Variants in MGAT5 observed in about 807,000 individuals in gnomAD.
The protein encoded by MGAT5 is alpha-1,6-mannosylglycoprotein 6-beta-N-acetylglucosaminyltransferase A.
A neutral mutation model predicts 94.3 loss-of-function variants in MGAT5; 30 were observed. The ratio of observed to expected loss-of-function variants is 0.32; its 90% CI spans 0.24 to 0.43. The LOEUF is 0.43. MGAT5 is among the 20% of genes least tolerant of loss of function. The pLI is 1.00. For synonymous variants in MGAT5, 310 were observed against 322.9 expected, an observed-to-expected ratio of 0.96 and a Z score of 0.43; for missense variants, 691 against 905.5, an observed-to-expected ratio of 0.76 and a Z score of 3.04.
chr2:134,321,621 C>G (rs549373024), intron 4 of MGAT5, among the ~76,000 whole-genome samples: 5 of 152,156 alleles, frequency 3.3e-5, no homozygotes, highest in African/African-American at 1.2e-4. Flanking sequence ...CATTTTGGAA[C>G]GAGCAACTAC....
intron 1 of MGAT5, among the ~76,000 whole-genome samples, chr2:134,266,737 C>T (rs928003666): frequency 6.6e-6 from 1 of 152,122 alleles, no homozygotes; most frequent in African/African-American, 2.4e-5. Context: ...ATGGGCTTGG[C>T]GTCATCTCTG....
At chr2:134,292,267 C>T (rs921565944) in intron 2 of MGAT5, among the ~76,000 whole-genome samples, 1 of 152,140 alleles carries the variant, frequency 6.6e-6, no homozygotes, top group Admixed American at 6.5e-5. Context: ...AATTGAGAGA[C>T]AGGAAAACAC....
intron 1 of MGAT5, among the ~76,000 whole-genome samples, chr2:134,156,865 A>T (rs1687503511): frequency 6.6e-6 from 1 of 152,154 alleles, no homozygotes; most frequent in Non-Finnish European, 1.5e-5. Flanking sequence ...GCCAGAGTGC[A>T]ACTGGGACGT....
chr2:134,264,492 G>T (rs1683570042), intron 1 of MGAT5, among the ~76,000 whole-genome samples: 1 of 152,114 alleles, frequency 6.6e-6, no homozygotes, highest in Non-Finnish European at 1.5e-5. Context: ...TCTATCTTAT[G>T]AATGGCTGAC....
At chr2:134,260,706 T>C (rs1443931852) in intron 1 of MGAT5, among the ~76,000 whole-genome samples, 1 of 148,668 alleles carries the variant, frequency 6.7e-6, no homozygotes, top group Non-Finnish European at 1.5e-5. Flanking sequence ...CTTTTTCTTT[T>C]TTTTTTTTTT....
At chr2:134,282,563 G>C (rs1179857663) in intron 2 of MGAT5, among the ~76,000 whole-genome samples, 1 of 152,228 alleles carries the variant, frequency 6.6e-6, no homozygotes, top group Non-Finnish European at 1.5e-5. Flanking sequence ...AGATCGATTT[G>C]TTTCTTTACT....
chr2:134,209,166 TTTTA>T (rs1680182408), intron 1 of MGAT5, among the ~76,000 whole-genome samples: 4 of 21,006 alleles, frequency 1.9e-4, no homozygotes, highest in South Asian at 2.7e-3. Context: ...TTTTTTTTTT[TTTTA>T]TTTTTTTTTT....
chr2:134,207,315 G>A (rs1573864719), intron 1 of MGAT5, among the ~76,000 whole-genome samples: 1 of 152,312 alleles, frequency 6.6e-6, no homozygotes, highest in East Asian at 1.9e-4. Context: ...CATGTAAGGT[G>A]TAACATACTC....
intron 10 of MGAT5, among the ~76,000 whole-genome samples, chr2:134,381,407 T>C (rs1558841951): frequency 2.8e-5 from 2 of 71,908 alleles, no homozygotes; most frequent in Non-Finnish European, 5.6e-5. Context: ...GATAGATAGA[T>C]AGATAGATAG....
intron 1 of MGAT5, among the ~76,000 whole-genome samples, chr2:134,154,255 C>T (rs1414707272): frequency 1.3e-5 from 2 of 152,198 alleles, no homozygotes; most frequent in Non-Finnish European, 2.9e-5. Context: ...CCCTCTCCAC[C>T]TATCTCAGAT....
At chr2:134,274,351 C>T (rs113708739) in intron 2 of MGAT5, among the ~76,000 whole-genome samples, 4 of 152,302 alleles carry the variant, frequency 2.6e-5, no homozygotes, top group Admixed American at 1.3e-4. Context: ...GCCTAGAAGT[C>T]GGACTTGGTA....
At chr2:134,407,275 GGTTCCCATTTGCCCTCAGGCAGCCAATT>G (rs1683394853) in intron 11 of MGAT5, among the ~76,000 whole-genome samples, 1 of 152,254 alleles carries the variant, frequency 6.6e-6, no homozygotes, top group Admixed American at 6.5e-5. Context: ...TACAGATACT[GGTTCCCATTTGCCCTCAGGCAGCCAATT>G]GAAGCAGGTT....
chr2:134,279,692 A>G (rs1208261239), intron 2 of MGAT5, among the ~76,000 whole-genome samples: 5 of 152,346 alleles, frequency 3.3e-5, no homozygotes, highest in African/African-American at 1.2e-4. Flanking sequence ...GTGATAGGAC[A>G]TGCTGAAATT....
intron 11 of MGAT5, among the ~76,000 whole-genome samples, chr2:134,412,231 G>A (rs879493750): frequency 2.4e-4 from 36 of 152,242 alleles, no homozygotes; most frequent in Admixed American, 1.6e-3. Context: ...GCTGGAGAGG[G>A]AAGCAGCTGC....
rs1683298158 is a variant in MGAT5, at chr2:134,260,975, C to A, written c.241+6331C>A. Among the ~76,000 whole-genome samples, 3 of 152,038 alleles carry A rather than the reference C, an allele frequency of 2.0e-5. No homozygotes were observed. In the South Asian group the frequency reaches 6.2e-4, roughly 32 times the overall value. On this transcript the variant is annotated intron_variant, in intron 1 of 15. Transcript: ENST00000281923. ...TGTGGCTTGGGACTTTTCCAGCCAT[C>A]CTGTGGTAGAGTCCAGCCTGCCCAG... is the stretch of plus-strand genomic sequence containing the variant.
Position 134,126,609 on chromosome 2 carries a change from G to T in MGAT5, c.-143+6318G>T, listed in dbSNP as rs114406237. 4.5e-3 allele frequency among the ~76,000 whole-genome samples: 680 copies of T among 152,300 alleles called. 2 individuals are homozygous for T. Among genetic ancestry groups the T allele is most frequent in the African/African-American group, 0.015 (630 of 41,554 alleles). On this transcript the variant is annotated intron_variant, in intron 1 of 16. Transcript: ENST00000409645. ...ACTCTCTTTGGGGATGTTTATCTTT[G>T]TATGTTTAGAAATAAAAAACCTTGG...
At chr2:134,339,550 A>T (rs369948482) in intron 6 of MGAT5, among the ~76,000 whole-genome samples, 1 of 152,216 alleles carries the variant, frequency 6.6e-6, no homozygotes, top group Non-Finnish European at 1.5e-5. Context: ...AACTGTATAC[A>T]TTAAAATAGT....
intron 2 of MGAT5, among the ~76,000 whole-genome samples, chr2:134,302,172 T>C (rs1242935124): frequency 6.6e-6 from 1 of 152,212 alleles, no homozygotes; most frequent in African/African-American, 2.4e-5. Context: ...CTTGGGCATA[T>C]TCCAATAAGA....
chr2:134,166,053 G>A lies in MGAT5; in HGVS notation c.-143+45762G>A, dbSNP rs16830139. Among the ~76,000 whole-genome samples, 371 of 152,306 alleles carry A rather than the reference G, an allele frequency of 2.4e-3. 2 individuals are homozygous for A. The highest frequency in any genetic ancestry group is 8.0e-3 in the African/African-American group (334 of 41,564). ...ACTATAGGCATTATTAAGGGGAATA[G>A]GATTGGCATGTAGACACAAAGGTCC... On this transcript the variant is annotated intron_variant, in intron 1 of 16. Coordinates refer to the MGAT5 transcript ENST00000409645.
Sources: gnomAD v4.1 joint callset for allele counts (sites outside exome capture counted in the v4.1 genomes callset) on GRCh38, gnomAD v4.1.1 for gene constraint, MANE v1.5 for transcripts, NCBI Gene and HGNC (gene_info 2026-07-23, HGNC 2026-07-21) for gene names.